The following CMIP variants were observed in gnomAD, a reference collection of about 807,000 sequenced individuals.
The protein encoded by CMIP is c-Maf inducing protein.
CMIP carries 13 observed loss-of-function variants against 97.3 expected under a neutral mutation model. The ratio of observed to expected loss-of-function variants is 0.13; its 90% CI spans 0.09 to 0.21. CMIP has a LOEUF of 0.21. Ranked by LOEUF, CMIP falls within the 10% of genes least tolerant of loss-of-function variation. The pLI, the probability that CMIP is intolerant of heterozygous loss-of-function variation, is 1.00. For synonymous variants in CMIP, 538 were observed against 436.3 expected, an observed-to-expected ratio of 1.23 and a Z score of -2.91; for missense variants, 847 against 1,024.9, an observed-to-expected ratio of 0.83 and a Z score of 2.37.
rs1433330718 is a variant in CMIP at position 81,693,370 on chromosome 16, C to G, written c.1482-69C>G. The G allele has an allele frequency of 1.1e-5, 18 of 1,569,826 alleles. No individual in the cohort carries two copies. The African/African-American group carries it at 2.3e-4, about 20-fold the overall frequency. On this transcript the variant is annotated intron_variant, in intron 12 of 20. Coordinates refer to ENST00000537098, the MANE Select transcript of CMIP (RefSeq NM_198390.3). ...GCCCGTTCTTCCTTGACACCATCCC[C>G]TCCCCTTCCCACACCTCCCACTCAG...
intron 1 of CMIP, among the ~76,000 whole-genome samples, chr16:81,597,791 A>G (rs2091586449): frequency 1.3e-5 from 2 of 152,230 alleles, no homozygotes; most frequent in African/African-American, 4.8e-5. Flanking sequence ...ACATATGAAA[A>G]GTGCCACACT....
chr16:81,696,803 T>C (rs1489389216), intron 14 of CMIP, 136 bp downstream of exon 14: 2 of 627,964 alleles, frequency 3.2e-6, no homozygotes, highest in Admixed American at 3.2e-5. Flanking sequence ...ATCATGAAGG[T>C]GGTGGTGGTG....
chr16:81,477,792 C>T (rs982165043), intron 1 of CMIP, among the ~76,000 whole-genome samples: 2 of 152,202 alleles, frequency 1.3e-5, no homozygotes, highest in African/African-American at 4.8e-5. Flanking sequence ...CACCATGGGC[C>T]AAGAGAGGCT....
At chr16:81,650,279 C>T (rs1337955017) in intron 3 of CMIP, among the ~76,000 whole-genome samples, 1 of 152,212 alleles carries the variant, frequency 6.6e-6, no homozygotes, top group Non-Finnish European at 1.5e-5. Flanking sequence ...GCCCTGGCCT[C>T]CTCTGCTCTG....
intron 1 of CMIP, among the ~76,000 whole-genome samples, chr16:81,540,159 G>A (rs146585011): frequency 1.7e-4 from 26 of 152,334 alleles, no homozygotes; most frequent in Admixed American, 1.2e-3. Context: ...AGCAAGGGCC[G>A]AAAGTACTTG....
rs550625459 is a variant in CMIP at position 81,627,414 on chromosome 16, C to A, written c.477+6488C>A. On this transcript the variant is annotated intron_variant, in intron 3 of 20. Transcript: ENST00000537098. This position sits in a 1 kb window ranked among gnomAD's most constrained non-coding sequence, Gnocchi z 4.6. ...CAGAAGGGATCCTGGTAGGAGCCCA[C>A]GCGTGGGAGCCTCTCATGCGCCATC... Among the ~76,000 whole-genome samples the A allele has an allele frequency of 2.0e-5, 3 of 152,140 alleles. No individual in the cohort carries two copies. The highest frequency in any genetic ancestry group is 4.1e-4 in the South Asian group (2 of 4,822).
rs72835190 is a variant in CMIP, at chr16:81,453,077, G to C, written c.300+7536G>C. ...CACACTAGTGCTCTGATTCACCTCT[G>C]GTTTTGCCAGCGAGGAAGGGGTGAG... On this transcript the variant is annotated intron_variant, in intron 1 of 20. Coordinates refer to ENST00000537098, the MANE Select transcript of CMIP (RefSeq NM_198390.3). The surrounding 1 kb of genome is among the most constrained non-coding windows in gnomAD (Gnocchi z 4.0). Among the ~76,000 whole-genome samples, 561 of 152,128 alleles carry C rather than the reference G, an allele frequency of 3.7e-3. 2 individuals are homozygous for C. The highest frequency in any genetic ancestry group is 5.2e-3 in the Non-Finnish European group (355 of 67,988).
chr16:81,488,870 C>T (rs1277085000), intron 1 of CMIP, among the ~76,000 whole-genome samples: 4 of 152,176 alleles, frequency 2.6e-5, no homozygotes, highest in Non-Finnish European at 5.9e-5. Flanking sequence ...AGATGTGAGC[C>T]ACTGTCATTG....
At chr16:81,657,523 A>G (rs1382599841) in intron 4 of CMIP, among the ~76,000 whole-genome samples, 1 of 152,056 alleles carries the variant, frequency 6.6e-6, no homozygotes, top group Non-Finnish European at 1.5e-5. Context: ...CGACTCACTC[A>G]AGGTCACATA....
At chr16:81,537,098 T>C (rs1250300593) in intron 1 of CMIP, among the ~76,000 whole-genome samples, 2 of 152,194 alleles carry the variant, frequency 1.3e-5, no homozygotes, top group Non-Finnish European at 2.9e-5. Flanking sequence ...TGCTGGAAAC[T>C]TCAGGACCAG....
At chr16:81,650,947 C>G (rs956002411) in intron 3 of CMIP, among the ~76,000 whole-genome samples, 2 of 152,176 alleles carry the variant, frequency 1.3e-5, no homozygotes, top group South Asian at 4.1e-4. Flanking sequence ...GAATGTGTCC[C>G]TCAGATACTT....
In CMIP at chr16:81,693,423, G is replaced by C. The variant is rs188237977; in HGVS notation, c.1482-16G>C. The stretch of plus-strand genomic sequence containing the variant: ...CCAGACCCCGGCAGTAACTCCGGCC[G>C]CCTCGTCTCTTCCAGGGAACTGAAG... On this transcript the variant is annotated splice_polypyrimidine_tract_variant and intron_variant, in intron 12 of 20. Coordinates refer to ENST00000537098, the MANE Select transcript of CMIP (RefSeq NM_198390.3). 1 of 1,609,088 alleles carries C rather than the reference G, an allele frequency of 6.2e-7. No homozygotes were observed. Among genetic ancestry groups the C allele is most frequent in the Non-Finnish European group, 8.5e-7 (1 of 1,177,734 alleles).
intron 10 of CMIP, among the ~76,000 whole-genome samples, chr16:81,683,036 C>G (rs796789163): frequency 5.3e-5 from 8 of 152,284 alleles, no homozygotes; most frequent in African/African-American, 1.9e-4. Flanking sequence ...TGATTCACAC[C>G]TTCATTTATC....
chr16:81,683,196 C>T (rs530033961), intron 10 of CMIP, among the ~76,000 whole-genome samples: 2 of 152,344 alleles, frequency 1.3e-5, no homozygotes, highest in East Asian at 3.9e-4. Flanking sequence ...GCGCTCAGTG[C>T]GGCTGCTGTA....
intron 1 of CMIP, among the ~76,000 whole-genome samples, chr16:81,536,574 C>G (rs960813165): frequency 3.2e-4 from 49 of 152,136 alleles, no homozygotes; most frequent in Non-Finnish European, 1.3e-4. Context: ...TCTCCGGAAC[C>G]TTCTTTCTAT....
intron 9 of CMIP, among the ~76,000 whole-genome samples, chr16:81,677,708 A>T (rs1431366310): frequency 2.0e-5 from 3 of 152,196 alleles, no homozygotes; most frequent in Non-Finnish European, 4.4e-5. Context: ...GCAGTTAAAG[A>T]TGCTGTGCCT....
chr16:81,598,771 AGCCTG>A (rs1365851616), intron 1 of CMIP, among the ~76,000 whole-genome samples: 1 of 152,130 alleles, frequency 6.6e-6, no homozygotes, highest in Non-Finnish European at 1.5e-5. Flanking sequence ...GTTTGAGACC[AGCCTG>A]GCCAACATGG....
chr16:81,591,313 C>G (rs750039886), intron 1 of CMIP, among the ~76,000 whole-genome samples: 2 of 152,184 alleles, frequency 1.3e-5, no homozygotes, highest in African/African-American at 4.8e-5. Flanking sequence ...ACTCTGGACA[C>G]CAGCTAAGGT....
intron 7 of CMIP, among the ~76,000 whole-genome samples, chr16:81,667,529 T>C (rs2092617098): frequency 6.6e-6 from 1 of 152,192 alleles, no homozygotes; most frequent in African/African-American, 2.4e-5. Flanking sequence ...GAAATGACCT[T>C]GATTATTCAA....
Sources: allele counts gnomAD v4.1 joint callset (sites outside exome capture counted in the v4.1 genomes callset), GRCh38; gene constraint gnomAD v4.1.1; non-coding constraint Gnocchi (gnomAD v3.1); transcripts MANE v1.5; gene names NCBI Gene and HGNC (gene_info 2026-07-23, HGNC 2026-07-21).